The following ARHGAP12 variants were observed in gnomAD, a reference collection of about 807,000 sequenced individuals.
ARHGAP12 encodes Rho GTPase activating protein 12, also known as rho GTPase-activating protein 12.
Under a neutral mutation model 108.6 loss-of-function variants are expected in ARHGAP12, and 64 were observed. That is an observed-to-expected ratio of 0.59 (90% CI 0.48 to 0.73). ARHGAP12 has a LOEUF of 0.73. ARHGAP12 is among the 30% of genes least tolerant of loss of function. The probability of loss-of-function intolerance (pLI) is 0.00; values close to 1 mark genes in which losing one functional copy is unlikely to be tolerated. For missense variants in ARHGAP12, 940 were observed against 1,005.9 expected (o/e 0.93, Z 0.89); for synonymous variants, 312 against 337.2 (o/e 0.93, Z 0.82).
chr10:31,850,576 C>T (rs1378353832), intron 6 of ARHGAP12, among the ~76,000 whole-genome samples: 1 of 152,160 alleles, frequency 6.6e-6, no homozygotes, highest in Admixed American at 6.5e-5. Context: ...TACTTCTTCA[C>T]AGCACATTAA....
At position 31,861,554 on chromosome 10, in the gene ARHGAP12, C is replaced by T. The variant is rs1170086706; in HGVS notation, c.789G>A (p.Pro263=). The change falls in exon 4 of 20, where the codon CCG becomes CCA. Residue 263 remains proline (P), a synonymous_variant. Coordinates refer to ENST00000344936, the MANE Select transcript of ARHGAP12 (RefSeq NM_018287.7). The part of the protein sequence containing the change: ...QSALPPLPGS[P]AIQINGEWET... ...CCCATTCTCCATTAATCTGAATTGC[C>T]GGGCTCCCAGGAAGTGGGGGAAGAG... The T allele has an allele frequency of 3.7e-6, 6 of 1,614,094 alleles. No individual in the cohort carries two copies. The highest frequency in any genetic ancestry group is 1.7e-5 in the Admixed American group (1 of 60,006).
intron 9 of ARHGAP12, among the ~76,000 whole-genome samples, chr10:31,836,261 C>T (rs1836010536): frequency 6.6e-6 from 1 of 152,028 alleles, no homozygotes; most frequent in African/African-American, 2.4e-5. Context: ...AAACTTTACT[C>T]AGTATTCAGT....
chr10:31,818,963 A>C (rs1213664159), intron 12 of ARHGAP12, among the ~76,000 whole-genome samples: 1 of 152,150 alleles, frequency 6.6e-6, no homozygotes, highest in Non-Finnish European at 1.5e-5. Flanking sequence ...TGGTCAAGCC[A>C]GTTTACCAAT....
intron 3 of ARHGAP12, among the ~76,000 whole-genome samples, chr10:31,906,310 G>A (rs1426050047): frequency 6.6e-6 from 1 of 152,122 alleles, no homozygotes; most frequent in Non-Finnish European, 1.5e-5. Flanking sequence ...CTCGAATTGG[G>A]GGTAGTTTAT....
intron 3 of ARHGAP12, among the ~76,000 whole-genome samples, chr10:31,903,635 C>T (rs1839012132): frequency 1.3e-5 from 2 of 152,048 alleles, no homozygotes; most frequent in South Asian, 4.1e-4. Flanking sequence ...AACTTGTGCT[C>T]TGCAAAGACA....
intron 3 of ARHGAP12, among the ~76,000 whole-genome samples, chr10:31,886,350 T>C (rs896396001): frequency 7.9e-5 from 12 of 152,194 alleles, no homozygotes; most frequent in Non-Finnish European, 1.2e-4. Context: ...ACAATTATAC[T>C]ACAATTATCT....
At chr10:31,829,241 A>ACATTGATATAAT (rs1835740312) in intron 10 of ARHGAP12, among the ~76,000 whole-genome samples, 1 of 152,216 alleles carries the variant, frequency 6.6e-6, no homozygotes, top group Non-Finnish European at 1.5e-5. Context: ...CAGTCACAAA[A>ACATTGATATAAT]GTTATACATA....
chr10:31,861,497 A>G lies in ARHGAP12; in HGVS notation c.846T>C (p.Tyr282=), dbSNP rs750938024. 1.2e-6 allele frequency: 2 copies of G among 1,614,126 alleles called. No homozygotes were observed. The change falls in exon 4 of 20, where the codon TAT becomes TAC. Residue 282 remains tyrosine, a synonymous_variant. Transcript: ENST00000344936. Reference sequence around the variant, plus strand: ...TTTCCTGTGTCCCTCTGTTATAGTAATAGCAACGCCCTGAGCTGTCTTTAT... The same window carrying G: ...TTTCCTGTGTCCCTCTGTTATAGTAGTAGCAACGCCCTGAGCTGTCTTTAT... ...ETHKDSSGRC[Y]YYNRGTQERT... is the part of the protein sequence containing the mutation.
intron 3 of ARHGAP12, among the ~76,000 whole-genome samples, chr10:31,889,619 GTTTTT>G (rs869116452): frequency 1.3e-3 from 88 of 66,440 alleles, no homozygotes; most frequent in African/African-American, 5.5e-3. Flanking sequence ...AATTTTTCTC[GTTTTT>G]TTTTTTTTTT....
intron 15 of ARHGAP12, among the ~76,000 whole-genome samples, chr10:31,810,958 G>A (rs1834994637): frequency 6.6e-6 from 1 of 152,120 alleles, no homozygotes; most frequent in Non-Finnish European, 1.5e-5. Flanking sequence ...ACTCTTGCCT[G>A]AAAATTCTTT....
rs776720348 is a variant in ARHGAP12, at chr10:31,861,602, T to C, written c.741A>G (p.Gln247=). The C allele has an allele frequency of 6.2e-6, 10 of 1,614,044 alleles. No homozygotes were observed. The highest frequency in any genetic ancestry group is 3.3e-5 in the South Asian group (3 of 91,076). The change falls in exon 4 of 20, where the codon CAA becomes CAG. Residue 247 remains glutamine, a synonymous_variant. Transcript: ENST00000344936. Reference sequence around the variant, plus strand: ...GAGCAGACTGGGATATTTTCAGTTCTTGAAGGTTAGCATAGACAGGAGAAT... The same window carrying C: ...GAGCAGACTGGGATATTTTCAGTTCCTGAAGGTTAGCATAGACAGGAGAAT... ...RPDSPVYANL[Q]ELKISQSALP...
intron 1 of ARHGAP12, among the ~76,000 whole-genome samples, chr10:31,919,401 A>C (rs1345016036): frequency 6.6e-6 from 1 of 152,248 alleles, no homozygotes; most frequent in Admixed American, 6.5e-5. Flanking sequence ...TATTTCACTA[A>C]AGACACTGTA....
chr10:31,899,158 G>C (rs1243461823), intron 3 of ARHGAP12, among the ~76,000 whole-genome samples: 1 of 152,184 alleles, frequency 6.6e-6, no homozygotes, highest in Non-Finnish European at 1.5e-5. Context: ...TGGTTGCTTG[G>C]TGCTGAGGAC....
At chr10:31,824,407 T>C (rs1835526954) in intron 11 of ARHGAP12, among the ~76,000 whole-genome samples, 1 of 152,176 alleles carries the variant, frequency 6.6e-6, no homozygotes, top group African/African-American at 2.4e-5. Context: ...AAAAATTCAT[T>C]GAGAATTCTA....
chr10:31,879,336 T>G (rs190841917), intron 3 of ARHGAP12, among the ~76,000 whole-genome samples: 33 of 152,272 alleles, frequency 2.2e-4, no homozygotes, highest in Admixed American at 1.8e-3. Flanking sequence ...TGCTTGTGCC[T>G]GGAAGGCAGA....
chr10:31,861,433 T>C lies in ARHGAP12; in HGVS notation c.910A>G (p.Ile304Val). The change falls in exon 4 of 20, where the codon ATC becomes GTC. Residue 304 changes from isoleucine (I) to valine (V), a missense_variant. Transcript: ENST00000344936. ...KPPRWTRDAS[I>V]SKGDFQNPGD... ...GGATTTTGGAAATCTCCTTTGCTGA[T>C]GCTTGCATCCCGAGTCCAACGAGGA... 6.2e-7 allele frequency: 1 copy of C among 1,614,170 alleles called. No homozygotes were observed. The highest frequency in any genetic ancestry group is 1.1e-5 in the South Asian group (1 of 91,060).
chr10:31,837,897 T>C (rs768479442), intron 9 of ARHGAP12, among the ~76,000 whole-genome samples: 1 of 152,320 alleles, frequency 6.6e-6, no homozygotes, highest in Non-Finnish European at 1.5e-5. Flanking sequence ...GCAGCTATTA[T>C]ATGGCACTGT....
At chr10:31,847,233 T>C (rs1159080828) in intron 6 of ARHGAP12, among the ~76,000 whole-genome samples, 2 of 152,208 alleles carry the variant, frequency 1.3e-5, no homozygotes, top group African/African-American at 4.8e-5. Flanking sequence ...ACTGATTGTC[T>C]TTTCTCATTC....
intron 3 of ARHGAP12, among the ~76,000 whole-genome samples, chr10:31,881,913 A>AT (rs1397087721): frequency 5.4e-5 from 8 of 149,500 alleles, no homozygotes; most frequent in African/African-American, 2.0e-4. Context: ...TTTTGTTTAG[A>AT]TGTTTTTTTT....
Sources: allele counts gnomAD v4.1 joint callset (sites outside exome capture counted in the v4.1 genomes callset), GRCh38; gene constraint gnomAD v4.1.1; transcripts MANE v1.5; gene names NCBI Gene and HGNC (gene_info 2026-07-23, HGNC 2026-07-21).